Variants in CTNNA3 observed in about 807,000 individuals in gnomAD.
CTNNA3 encodes catenin alpha-3.
CTNNA3 carries 76 observed loss-of-function variants against 95.7 expected under a neutral mutation model. The observed-to-expected ratio is 0.79, with a 90% confidence interval of 0.66 to 0.96. The LOEUF (loss-of-function observed/expected upper bound fraction) is 0.96, where lower values mean the gene tolerates loss of function less well. Among genes scored for constraint, CTNNA3 ranks in the 40% least tolerant of loss-of-function variants. CTNNA3 has a pLI of 0.00. For synonymous variants in CTNNA3, 431 were observed against 374.4 expected (o/e 1.15, Z -1.74); for missense variants, 1,191 against 1,089.8 (o/e 1.09, Z -1.31).
chr10:67,265,312 C>CT (rs1342469853), intron 5 of CTNNA3, among the ~76,000 whole-genome samples: 1 of 152,128 alleles, frequency 6.6e-6, no homozygotes. Context: ...CTTGATTATA[C>CT]TTTTTTTATA....
intron 14 of CTNNA3, among the ~76,000 whole-genome samples, chr10:66,102,432 C>A (rs2081673455): frequency 6.6e-6 from 1 of 152,074 alleles, no homozygotes; most frequent in Non-Finnish European, 1.5e-5. Context: ...AACTGAGGTA[C>A]AGAGAAGCTA....
chr10:66,728,840 G>A (rs79058114), intron 9 of CTNNA3, among the ~76,000 whole-genome samples: 83 of 152,116 alleles, frequency 5.5e-4, no homozygotes, highest in African/African-American at 1.9e-3. Flanking sequence ...TGCCCACCTG[G>A]GCCTCCCAAA....
intron 7 of CTNNA3, among the ~76,000 whole-genome samples, chr10:66,998,068 T>C (rs1406060222): frequency 4.6e-5 from 7 of 152,188 alleles, no homozygotes; most frequent in Admixed American, 4.6e-4. Flanking sequence ...AGCTCATTCT[T>C]CTACAACAAT....
intron 8 of CTNNA3, among the ~76,000 whole-genome samples, chr10:66,773,155 A>G (rs1840162269): frequency 6.6e-6 from 1 of 152,218 alleles, no homozygotes; most frequent in Non-Finnish European, 1.5e-5. Context: ...AGAAAGAATC[A>G]TAGCAACTAA....
At chr10:66,979,198 C>G (rs1850266278) in intron 7 of CTNNA3, among the ~76,000 whole-genome samples, 2 of 151,942 alleles carry the variant, frequency 1.3e-5, no homozygotes, top group Admixed American at 1.3e-4. Flanking sequence ...AGACTCCTGA[C>G]CTCTAGCGAT....
intron 12 of CTNNA3, among the ~76,000 whole-genome samples, chr10:66,375,515 G>A (rs189118863): frequency 1.4e-4 from 22 of 152,110 alleles, no homozygotes; most frequent in Admixed American, 5.2e-4. Context: ...CCGGACTGCA[G>A]AGGGTAAGGA....
At chr10:66,360,678 C>CTTTCTTTCTTT (rs1491415824) in intron 12 of CTNNA3, among the ~76,000 whole-genome samples, 2 of 79,206 alleles carry the variant, frequency 2.5e-5, no homozygotes, top group Admixed American at 1.5e-4. Flanking sequence ...TTCCTTCCTT[C>CTTTCTTTCTTT]CTTCCTTCCT....
chr10:66,261,486 CA>C (rs1247804280), intron 13 of CTNNA3, among the ~76,000 whole-genome samples: 8 of 151,980 alleles, frequency 5.3e-5, no homozygotes, highest in Admixed American at 3.9e-4. Context: ...CATTGTATTA[CA>C]ATTGTATTTA....
At chr10:66,173,360 G>A (rs1439077168) in intron 13 of CTNNA3, among the ~76,000 whole-genome samples, 1 of 152,108 alleles carries the variant, frequency 6.6e-6, no homozygotes, top group Non-Finnish European at 1.5e-5. Context: ...TAGCAATATC[G>A]AATGTTCTAG....
intron 5 of CTNNA3, among the ~76,000 whole-genome samples, chr10:67,518,110 A>G (rs976613474): frequency 1.3e-5 from 2 of 152,188 alleles, no homozygotes; most frequent in African/African-American, 4.8e-5. Context: ...ATGCTTTTTA[A>G]AAAGAAACTC....
chr10:66,109,379 G>C (rs1385804351), intron 13 of CTNNA3, among the ~76,000 whole-genome samples: 2 of 152,160 alleles, frequency 1.3e-5, no homozygotes, highest in African/African-American at 4.8e-5. Context: ...GTGAGAATCT[G>C]TTTTGTGTAT....
At chr10:66,038,768 C>A (rs2079619784) in intron 15 of CTNNA3, among the ~76,000 whole-genome samples, 1 of 152,134 alleles carries the variant, frequency 6.6e-6, no homozygotes, top group Admixed American at 6.5e-5. Context: ...GCCATCATGG[C>A]AAACCCACAG....
At chr10:67,381,781 G>A (rs574980737) in intron 5 of CTNNA3, among the ~76,000 whole-genome samples, 4 of 152,146 alleles carry the variant, frequency 2.6e-5, no homozygotes, top group African/African-American at 9.7e-5. Flanking sequence ...TTCTAGAATT[G>A]AAAACGCTCA....
intron 6 of CTNNA3, among the ~76,000 whole-genome samples, chr10:67,202,223 T>C (rs1036014498): frequency 2.6e-5 from 4 of 151,204 alleles, no homozygotes; most frequent in African/African-American, 9.7e-5. Flanking sequence ...CAAATCTTAC[T>C]GTAAATACAA....
intron 11 of CTNNA3, among the ~76,000 whole-genome samples, chr10:66,424,326 C>T (rs1354541606): frequency 6.6e-6 from 1 of 151,614 alleles, no homozygotes; most frequent in African/African-American, 2.4e-5. Flanking sequence ...TTTTTATTTT[C>T]TTCTACTTTT....
At chr10:67,376,043 T>A (rs192664369) in intron 5 of CTNNA3, among the ~76,000 whole-genome samples, 27 of 152,266 alleles carry the variant, frequency 1.8e-4, no homozygotes, top group Admixed American at 3.3e-4. Context: ...AAGTGGGCCC[T>A]CACCAGCTGC....
At chr10:66,380,446 C>T (rs1011040318) in intron 11 of CTNNA3, among the ~76,000 whole-genome samples, 1 of 151,784 alleles carries the variant, frequency 6.6e-6, no homozygotes, top group Non-Finnish European at 1.5e-5. Flanking sequence ...CCTTTCTTTA[C>T]AACAAAATAA....
chr10:67,298,381 C>G (rs1840129912), intron 5 of CTNNA3, among the ~76,000 whole-genome samples: 1 of 152,190 alleles, frequency 6.6e-6, no homozygotes, highest in Non-Finnish European at 1.5e-5. Flanking sequence ...GTTTAATAAT[C>G]TGTTTTTCAC....
At chr10:67,241,050 T>C (rs1029383976) in intron 5 of CTNNA3, among the ~76,000 whole-genome samples, 1 of 152,182 alleles carries the variant, frequency 6.6e-6, no homozygotes, top group African/African-American at 2.4e-5. Context: ...TTTAGCAAAA[T>C]TCAGTGGCTG....
Sources: gnomAD v4.1 joint callset for allele counts (sites outside exome capture counted in the v4.1 genomes callset) on GRCh38, gnomAD v4.1.1 for gene constraint, MANE v1.5 for transcripts, NCBI Gene and HGNC (gene_info 2026-07-23, HGNC 2026-07-21) for gene names.